GRID1: variants seen among roughly 807,000 people sequenced by gnomAD.
GRID1 encodes glutamate ionotropic receptor delta type subunit 1.
A neutral mutation model predicts 98.0 loss-of-function variants in GRID1; 28 were observed. That is an observed-to-expected ratio of 0.29 (90% confidence interval 0.21 to 0.39). The LOEUF is 0.39. Ranked by LOEUF, GRID1 falls within the 10% of genes least tolerant of loss-of-function variation. The pLI is 1.00. For synonymous variants in GRID1, 553 were observed against 538.5 expected (o/e 1.03, Z -0.37); for missense variants, 1,111 against 1,340.5 (o/e 0.83, Z 2.67).
intron 9 of GRID1, among the ~76,000 whole-genome samples, chr10:85,728,525 G>A (rs1037841021): frequency 3.9e-5 from 6 of 152,192 alleles, no homozygotes; most frequent in Non-Finnish European, 7.3e-5. Context: ...ACTAGAAAGT[G>A]GATATGGATA....
At chr10:85,669,413 G>T (rs1841060710) in intron 12 of GRID1, among the ~76,000 whole-genome samples, 1 of 152,226 alleles carries the variant, frequency 6.6e-6, no homozygotes, top group Non-Finnish European at 1.5e-5. Flanking sequence ...CCCCTTTGGG[G>T]TCATGAGGAT....
At chr10:86,354,018 C>A (rs1848499582) in intron 2 of GRID1, among the ~76,000 whole-genome samples, 1 of 152,134 alleles carries the variant, frequency 6.6e-6, no homozygotes, top group African/African-American at 2.4e-5. Flanking sequence ...CAGAGTGGGG[C>A]CACTCCATGG....
intron 4 of GRID1, among the ~76,000 whole-genome samples, chr10:85,971,429 A>C (rs926986153): frequency 2.0e-5 from 3 of 152,166 alleles, no homozygotes; most frequent in African/African-American, 4.8e-5. Flanking sequence ...TTCATAATAC[A>C]TATGTCCCAA....
chr10:85,716,260 G>A (rs935569797), intron 12 of GRID1, among the ~76,000 whole-genome samples: 3 of 152,080 alleles, frequency 2.0e-5, no homozygotes, highest in African/African-American at 7.2e-5. Flanking sequence ...TCCCTTTGTA[G>A]GGACATGGAT....
intron 5 of GRID1, among the ~76,000 whole-genome samples, chr10:85,905,396 G>T (rs1017349786): frequency 9.9e-5 from 15 of 151,802 alleles, no homozygotes; most frequent in African/African-American, 3.6e-4. Context: ...CTTTCAAGCA[G>T]AAGAGAAATG....
At chr10:86,240,137 A>G (rs562952619) in intron 2 of GRID1, among the ~76,000 whole-genome samples, 1 of 152,330 alleles carries the variant, frequency 6.6e-6, no homozygotes, top group African/African-American at 2.4e-5. Context: ...TCTGTTTTTG[A>G]AGCCCACCAG....
chr10:85,878,088 G>A (rs895130213), intron 5 of GRID1, among the ~76,000 whole-genome samples: 1 of 152,076 alleles, frequency 6.6e-6, no homozygotes, highest in Non-Finnish European at 1.5e-5. Flanking sequence ...TAAAAAGAAA[G>A]GAACAAAACC....
chr10:86,234,578 C>T (rs1466953451), intron 2 of GRID1, among the ~76,000 whole-genome samples: 2 of 152,212 alleles, frequency 1.3e-5, no homozygotes, highest in Non-Finnish European at 2.9e-5. Flanking sequence ...AGAGAAAACT[C>T]TTTTCTCTAA....
chr10:85,836,832 G>T (rs923199279), intron 8 of GRID1, among the ~76,000 whole-genome samples: 8 of 142,294 alleles, frequency 5.6e-5, no homozygotes, highest in Non-Finnish European at 1.3e-4. Context: ...GCATCACCAT[G>T]CCTGCTTATA....
At chr10:85,926,171 G>A (rs559163500) in intron 4 of GRID1, among the ~76,000 whole-genome samples, 16 of 152,250 alleles carry the variant, frequency 1.1e-4, no homozygotes, top group South Asian at 1.0e-3. Context: ...TTTGTGACAC[G>A]GGAAAACTAG....
At chr10:85,848,288 A>G (rs1409538623) in intron 8 of GRID1, among the ~76,000 whole-genome samples, 1 of 152,106 alleles carries the variant, frequency 6.6e-6, no homozygotes, top group Middle Eastern at 3.2e-3. Flanking sequence ...TACTTCTTAA[A>G]AAATATAGTA....
At chr10:86,328,435 T>C (rs1022620668) in intron 2 of GRID1, among the ~76,000 whole-genome samples, 3 of 152,198 alleles carry the variant, frequency 2.0e-5, no homozygotes, top group African/African-American at 7.2e-5. Flanking sequence ...ATTGAGTGAA[T>C]GGTATGCGCT....
intron 11 of GRID1, among the ~76,000 whole-genome samples, chr10:85,723,642 T>G (rs1477987269): frequency 2.0e-5 from 3 of 152,188 alleles, no homozygotes; most frequent in Admixed American, 6.5e-5. Flanking sequence ...TATTCAGCCC[T>G]CATTAGATGG....
chr10:86,168,544 C>A lies in GRID1; in HGVS notation c.521-29520G>T, dbSNP rs144681196. On this transcript the variant is annotated intron_variant, in intron 3 of 15. Coordinates refer to ENST00000327946, the MANE Select transcript of GRID1 (RefSeq NM_017551.3). ...GCTGTCCACACAACACCTGTGGATG[C>A]AGAATCCCCTCTGCCAGGTGTGGGA... Among the ~76,000 whole-genome samples the A allele has an allele frequency of 2.3e-3, 349 of 152,314 alleles. 2 individuals carry two copies. Among genetic ancestry groups the A allele is most frequent in the African/African-American group, 7.8e-3 (324 of 41,582 alleles).
intron 2 of GRID1, among the ~76,000 whole-genome samples, chr10:86,271,182 G>A (rs1426501855): frequency 6.6e-6 from 1 of 152,228 alleles, no homozygotes; most frequent in Non-Finnish European, 1.5e-5. Context: ...CAAGAACAGT[G>A]ACTGTTTTCA....
intron 4 of GRID1, among the ~76,000 whole-genome samples, chr10:86,069,885 C>G (rs1843778694): frequency 1.3e-5 from 2 of 152,098 alleles, no homozygotes; most frequent in Non-Finnish European, 2.9e-5. Flanking sequence ...CCCAGAAAGC[C>G]CCAAGTGAGT....
intron 2 of GRID1, among the ~76,000 whole-genome samples, chr10:86,338,032 G>A (rs1291290414): frequency 6.6e-6 from 1 of 152,152 alleles, no homozygotes; most frequent in Non-Finnish European, 1.5e-5. Flanking sequence ...AATTCCACCT[G>A]GTTTTGGAAA....
chr10:85,769,754 C>G (rs190865166), intron 8 of GRID1, among the ~76,000 whole-genome samples: 1 of 152,206 alleles, frequency 6.6e-6, no homozygotes, highest in Non-Finnish European at 1.5e-5. Context: ...AACTGCAAGG[C>G]GGCAGTGAGG....
In GRID1 at chr10:86,183,342, ATTTAT is replaced by A. The variant is rs1266612328; in HGVS notation, c.520+23017_520+23021del. On this transcript the variant is annotated intron_variant, in intron 3 of 15. Coordinates refer to ENST00000327946, the MANE Select transcript of GRID1 (RefSeq NM_017551.3). Reference sequence around the variant, plus strand: ...TTTATCATATAAATATACCACAATTATTTATTTATTTATTTATTTATTTATTTATT... The same window carrying A: ...TTTATCATATAAATATACCACAATTATTATTTATTTATTTATTTATTTATT... Among the ~76,000 whole-genome samples, 372 of 44,592 alleles carry A rather than the reference ATTTAT, an allele frequency of 8.3e-3. 2 individuals carry two copies. The highest frequency in any genetic ancestry group is 0.054 in the African/African-American group (358 of 6,588). The allele number at this position is 44,592 out of a possible 152,430, so 29.3% of individuals were successfully genotyped here. A position where few individuals can be genotyped will look rare whatever the true frequency, so the allele number is the denominator to read the frequency against.
Sources: allele counts gnomAD v4.1 joint callset (sites outside exome capture counted in the v4.1 genomes callset), GRCh38; gene constraint gnomAD v4.1.1; transcripts MANE v1.5; gene names NCBI Gene and HGNC (gene_info 2026-07-23, HGNC 2026-07-21).